MYRF: variants seen among roughly 807,000 people sequenced by gnomAD.
MYRF encodes myelin gene regulatory factor.
MYRF carries 16 observed loss-of-function variants against 126.3 expected under a neutral mutation model. That is an observed-to-expected ratio of 0.13 (90% CI 0.09 to 0.19). MYRF has a LOEUF of 0.19. MYRF is among the 10% of genes least tolerant of loss of function. The pLI is 1.00. For missense variants in MYRF, 1,104 were observed against 1,547.0 expected, an observed-to-expected ratio of 0.71 and a Z score of 4.80; for synonymous variants, 608 against 635.3, an observed-to-expected ratio of 0.96 and a Z score of 0.65.
Position 61,771,481 on chromosome 11 carries a change from C to T in MYRF, c.741-19C>T. 6.2e-7 allele frequency: 1 copy of T among 1,603,746 alleles called. No individual in the cohort carries two copies. Among genetic ancestry groups the T allele is most frequent in the Non-Finnish European group, 8.5e-7 (1 of 1,173,442 alleles). On this transcript the variant is annotated intron_variant, in intron 5 of 26. Transcript: ENST00000278836. ...TCGGGGAGAGCCAGCCCCCACGGCG[C>T]ACACTTCTGTTTCCCCAGGCTCCCT...
intron 2 of MYRF, 93 bp from the exon 3 acceptor site, chr11:61,765,865 G>T: frequency 1.4e-6 from 2 of 1,458,114 alleles, no homozygotes; most frequent in East Asian, 2.5e-5. Flanking sequence ...TGACTCCTCC[G>T]AAATCTCCAT....
chr11:61,784,139 G>C, intron 24 of MYRF, 141 bp from the exon 25 acceptor site: 3 of 988,068 alleles, frequency 3.0e-6, no homozygotes, highest in Non-Finnish European at 4.5e-6. Flanking sequence ...CGATGGGAAA[G>C]GTTTTGTTCG....
In MYRF at chr11:61,777,314, G is replaced by A; in HGVS notation, c.1641G>A (p.Arg547=). 1 of 1,613,430 alleles carries A rather than the reference G, an allele frequency of 6.2e-7. No individual in the cohort carries two copies. Among genetic ancestry groups the A allele is most frequent in the South Asian group, 1.1e-5 (1 of 91,084 alleles). The change falls in exon 12 of 27, where the codon CGG becomes CGA. Residue 547 remains arginine, a synonymous_variant. Coordinates refer to ENST00000278836, the MANE Select transcript of MYRF (RefSeq NM_001127392.3). This position sits in a 1 kb window ranked among gnomAD's most constrained non-coding sequence, Gnocchi z 8.8. The part of the protein sequence containing the change: ...FESDSDVLWQ[R]AQVPDTVFHH... ...GCGACAGCGATGTGTTGTGGCAGCG[G>A]GCACAGGTGCCCGACACCGTCTTCC...
chr11:61,778,812 G>C lies in MYRF; in HGVS notation c.2013+323G>C. 1 of 565,822 alleles carries C rather than the reference G, an allele frequency of 1.8e-6. No homozygotes were observed. Among genetic ancestry groups the C allele is most frequent in the Non-Finnish European group, 3.4e-6 (1 of 298,084 alleles). The allele number at this position is 565,822 out of a possible 1,614,324, so 35.1% of individuals were successfully genotyped here. Reference sequence around the variant, plus strand: ...ATCCTCGTATGGTTACCTCCAGGCTGAAATACGTGGTTTATTGTGAGGACG... The same window carrying C: ...ATCCTCGTATGGTTACCTCCAGGCTCAAATACGTGGTTTATTGTGAGGACG... On this transcript the variant is annotated intron_variant, in intron 14 of 26. Coordinates refer to ENST00000278836, the MANE Select transcript of MYRF (RefSeq NM_001127392.3). The surrounding 1 kb of genome is among the most constrained non-coding windows in gnomAD (Gnocchi z 4.6).
At position 61,769,275 on chromosome 11, in the gene MYRF, TC is replaced by T; in HGVS notation, c.419del (p.Pro140GlnfsTer13). ...PYAPGTLPDS[P>X]PDSGSEAYSP... is the part of the protein sequence containing the mutation. The stretch of plus-strand genomic sequence containing the variant: ...GCTCTCGCAGCACACTGCCGGACTC[TC>T]CCCCAGACTCGGGCTCCGAGGCCTA... On this transcript the variant is annotated frameshift_variant, in exon 4 of 27. Coordinates refer to ENST00000278836, the MANE Select transcript of MYRF (RefSeq NM_001127392.3). LOFTEE classifies it high-confidence loss of function. 6.2e-7 allele frequency: 1 copy of T among 1,606,622 alleles called. No homozygotes were observed. Among genetic ancestry groups the T allele is most frequent in the Non-Finnish European group, 8.5e-7 (1 of 1,177,238 alleles).
intron 1 of MYRF, chr11:61,754,081 G>A (rs1319310976): frequency 1.3e-5 from 2 of 152,428 alleles, no homozygotes; most frequent in Admixed American, 1.3e-4. Flanking sequence ...ACAGGGCAGG[G>A]AACCAAGGCC....
At chr11:61,780,644 C>T in intron 18 of MYRF, 68 bp from the exon 19 acceptor site, 1 of 1,480,978 alleles carries the variant, frequency 6.8e-7, no homozygotes, top group Non-Finnish European at 9.2e-7. Flanking sequence ...CTGGGGCCAC[C>T]TCTGACTGTG....
At chr11:61,767,167 C>A (rs1297482661) in intron 3 of MYRF, 1 of 456,530 alleles carries the variant, frequency 2.2e-6, no homozygotes. Context: ...GGAGTGGAGG[C>A]CAGGCTTGGG....
rs2066606037 is a variant in MYRF, at chr11:61,783,447, G to A, written c.3017-51G>A. On this transcript the variant is annotated intron_variant, in intron 22 of 26. Coordinates refer to ENST00000278836, the MANE Select transcript of MYRF (RefSeq NM_001127392.3). This position sits in a 1 kb window ranked among gnomAD's most constrained non-coding sequence, Gnocchi z 4.6. ...CTTCAAGTCTGGCAAGGAAAGACTT[G>A]CCAGCTTCTCATTTGTGTCCTGCCT... The A allele has an allele frequency of 4.8e-6, 7 of 1,444,284 alleles. No individual in the cohort carries two copies. The highest frequency in any genetic ancestry group is 1.7e-5 in the Admixed American group (1 of 58,498). 89.5% of individuals were successfully genotyped at this position (1,444,284 alleles called of 1,614,324 possible). A position where few individuals can be genotyped will look rare whatever the true frequency, so the allele number is the denominator to read the frequency against.
chr11:61,773,374 G>A (rs1591109706), intron 7 of MYRF, among the ~76,000 whole-genome samples: 2 of 152,330 alleles, frequency 1.3e-5, no homozygotes, highest in East Asian at 3.9e-4. Context: ...GCAAACTGAG[G>A]CTGAGTCTGA....
At chr11:61,780,918 C>T (rs1284911838) in intron 19 of MYRF, 42 bp from the exon 20 acceptor site, 2 of 1,604,970 alleles carry the variant, frequency 1.2e-6, no homozygotes, top group Non-Finnish European at 1.7e-6. Flanking sequence ...TCCCCTCAAG[C>T]TCTCCCAGCC....
Position 61,770,323 on chromosome 11 carries a change from C to A in MYRF, c.538C>A (p.Pro180Thr), listed in dbSNP as rs756214544. Reference protein sequence around the residue: ...GVPSRLEHPPPPPAHLPGPPP... With the variant: ...GVPSRLEHPPTPPAHLPGPPP... ...GCCCTCCCGCCTGGAGCATCCGCCC[C>A]CACCTCCAGCCCACTTGCCAGGCCC... Residue 180 changes from proline (P) to threonine (T), a missense_variant, in exon 5 of 27, where the codon CCA (proline) becomes ACA (threonine). Coordinates refer to ENST00000278836, the MANE Select transcript of MYRF (RefSeq NM_001127392.3). 2 of 1,581,502 alleles carry A rather than the reference C, an allele frequency of 1.3e-6. No individual in the cohort carries two copies. The highest frequency in any genetic ancestry group is 1.8e-5 in the Admixed American group (1 of 57,070).
At position 61,783,071 on chromosome 11, in the gene MYRF, T is replaced by C. The variant is rs2066596012; in HGVS notation, c.3017-427T>C. On this transcript the variant is annotated intron_variant, in intron 22 of 26. Coordinates refer to ENST00000278836, the MANE Select transcript of MYRF (RefSeq NM_001127392.3). This position sits in a 1 kb window ranked among gnomAD's most constrained non-coding sequence, Gnocchi z 4.6. Reference sequence around the variant, plus strand: ...GAGGCTGCGAGGAGCAGCGTGCTGGTAGCGGTGTAATCATCGGCCTCGGGG... The same window carrying C: ...GAGGCTGCGAGGAGCAGCGTGCTGGCAGCGGTGTAATCATCGGCCTCGGGG... 6.1e-6 allele frequency: 1 copy of C among 164,080 alleles called. No homozygotes were observed. Among genetic ancestry groups the C allele is most frequent in the African/African-American group, 2.4e-5 (1 of 41,872 alleles). 10.2% of individuals were successfully genotyped at this position (164,080 alleles called of 1,614,324 possible).
rs1322634212 is a variant in MYRF at position 61,777,052 on chromosome 11, A to G, written c.1590+175A>G. Among the ~76,000 whole-genome samples, 1 of 152,118 alleles carries G rather than the reference A, an allele frequency of 6.6e-6. No individual in the cohort carries two copies. Among genetic ancestry groups the G allele is most frequent in the Non-Finnish European group, 1.5e-5 (1 of 68,006 alleles). The stretch of plus-strand genomic sequence containing the variant: ...CTCTGGGCTGCAGGGTCTCCACAGT[A>G]AAGCAGGGAGGTGGACGAAGCCTGG... On this transcript the variant is annotated intron_variant, in intron 11 of 26. Coordinates refer to ENST00000278836, the MANE Select transcript of MYRF (RefSeq NM_001127392.3). The surrounding 1 kb of genome is among the most constrained non-coding windows in gnomAD (Gnocchi z 8.8).
intron 3 of MYRF, chr11:61,766,891 CT>C (rs1183786383): frequency 5.1e-6 from 2 of 393,606 alleles, no homozygotes; most frequent in Non-Finnish European, 1.0e-5. Flanking sequence ...GTAGGGGCCC[CT>C]GTCTCTGGGT....
At position 61,780,987 on chromosome 11, in the gene MYRF, G is replaced by T; in HGVS notation, c.2514G>T (p.Gln838His). 1 of 1,610,120 alleles carries T rather than the reference G, an allele frequency of 6.2e-7. No individual in the cohort carries two copies. Residue 838 changes from glutamine (Q) to histidine (H), a missense_variant, in exon 20 of 27, where the codon CAG (glutamine) becomes CAT (histidine). Coordinates refer to ENST00000278836, the MANE Select transcript of MYRF (RefSeq NM_001127392.3). Reference sequence around the variant, plus strand: ...CCAGCCAGAGCTTTGGGACCACGCAGCTCCGACAGTCCCCCTTGACCACGG... The same window carrying T: ...CCAGCCAGAGCTTTGGGACCACGCATCTCCGACAGTCCCCCTTGACCACGG... Reference protein sequence around the residue: ...PWSSQSFGTTQLRQSPLTTGL... With the variant: ...PWSSQSFGTTHLRQSPLTTGL...
chr11:61,767,202 A>C (rs1249692211), intron 3 of MYRF: 1 of 456,784 alleles, frequency 2.2e-6, no homozygotes, highest in Non-Finnish European at 4.4e-6. Flanking sequence ...CCTTTGCTGC[A>C]GAAGGCAAAC....
In MYRF at chr11:61,776,323, G is replaced by T. The variant is rs1218902641; in HGVS notation, c.1390G>T (p.Val464Phe). Residue 464 changes from valine (V) to phenylalanine (F), a missense_variant and splice_region_variant, in exon 10 of 27, where the codon GTC (valine) becomes TTC (phenylalanine). Physicochemically the swap from Val to Phe is conservative, Grantham distance 50. Transcript: ENST00000278836. The surrounding 1 kb of genome is among the most constrained non-coding windows in gnomAD (Gnocchi z 4.3). Reference protein sequence around the residue: ...RSKRPFNPVTVNLPPEQVTKV... With the variant: ...RSKRPFNPVTFNLPPEQVTKV... ...GAGCACCCTGCCTCTCCTCTGCAGGGTCAATCTGCCCCCTGAGCAGGTCAC... is the reference window on the plus strand; with the variant it reads ...GAGCACCCTGCCTCTCCTCTGCAGGTTCAATCTGCCCCCTGAGCAGGTCAC... 1.1e-5 allele frequency: 17 copies of T among 1,612,002 alleles called. No homozygotes were observed. Among genetic ancestry groups the T allele is most frequent in the Non-Finnish European group, 1.3e-5 (15 of 1,179,296 alleles).
intron 19 of MYRF, 70 bp from the exon 20 acceptor site, chr11:61,780,890 C>T (rs544562108): frequency 1.3e-6 from 2 of 1,593,542 alleles, no homozygotes; most frequent in African/African-American, 1.3e-5. Context: ...CCTGCCTCTC[C>T]AGGACTGTCA....
Sources: allele counts gnomAD v4.1 joint callset (sites outside exome capture counted in the v4.1 genomes callset), GRCh38; gene constraint gnomAD v4.1.1; non-coding constraint Gnocchi (gnomAD v3.1); transcripts MANE v1.5; gene names NCBI Gene and HGNC (gene_info 2026-07-23, HGNC 2026-07-21).